The following KCNT2 variants were observed in gnomAD, a reference collection of about 807,000 sequenced individuals.
KCNT2 encodes potassium channel subfamily T member 2.
KCNT2 carries 67 observed loss-of-function variants against 153.8 expected under a neutral mutation model. The observed-to-expected ratio is 0.44, with a 90% CI of 0.36 to 0.53. The LOEUF (loss-of-function observed/expected upper bound fraction) is 0.53, where lower values mean the gene tolerates loss of function less well. Among genes scored for constraint, KCNT2 ranks in the 20% least tolerant of loss-of-function variants. The pLI, the probability that KCNT2 is intolerant of heterozygous loss-of-function variation, is 0.00. For synonymous variants in KCNT2, 500 were observed against 458.8 expected (o/e 1.09, Z -1.15); for missense variants, 975 against 1,354.8 (o/e 0.72, Z 4.40).
intron 26 of KCNT2, among the ~76,000 whole-genome samples, chr1:196,245,802 G>A (rs1655387986): frequency 2.6e-5 from 4 of 152,036 alleles, no homozygotes; most frequent in Admixed American, 2.6e-4. Context: ...GGTCAGAGGA[G>A]AAAAAGGAAA....
At chr1:196,487,011 C>G (rs921191787) in intron 3 of KCNT2, among the ~76,000 whole-genome samples, 1 of 151,860 alleles carries the variant, frequency 6.6e-6, no homozygotes, top group Non-Finnish European at 1.5e-5. Context: ...AAGGATGTTA[C>G]GGAGAAGACT....
intron 13 of KCNT2, among the ~76,000 whole-genome samples, chr1:196,386,461 A>T (rs971092583): frequency 6.6e-6 from 1 of 152,156 alleles, no homozygotes; most frequent in Non-Finnish European, 1.5e-5. Context: ...CTTGCACAGG[A>T]AGCACTACAT....
intron 1 of KCNT2, among the ~76,000 whole-genome samples, chr1:196,580,864 A>G (rs1661950764): frequency 6.6e-6 from 1 of 152,166 alleles, no homozygotes; most frequent in African/African-American, 2.4e-5. Context: ...TGAAAAGTAC[A>G]TCATGGAAAA....
chr1:196,280,305 A>T (rs1658974732), intron 25 of KCNT2, among the ~76,000 whole-genome samples: 1 of 152,190 alleles, frequency 6.6e-6, no homozygotes, highest in Non-Finnish European at 1.5e-5. Flanking sequence ...TACTAACAAG[A>T]TCAAGTTTGC....
At position 196,286,638 on chromosome 1, in the gene KCNT2, T is replaced by TACACAC. The variant is rs201006771; in HGVS notation, c.2596-886_2596-881dup. Among the ~76,000 whole-genome samples the TACACAC allele has an allele frequency of 6.4e-3, 862 of 134,386 alleles. 11 individuals are homozygous for TACACAC. The highest frequency in any genetic ancestry group is 0.021 in the African/African-American group (785 of 37,568). 88.2% of individuals were successfully genotyped at this position (134,386 alleles called of 152,430 possible). A position where few individuals can be genotyped will look rare whatever the true frequency, so the allele number is the denominator to read the frequency against. On this transcript the variant is annotated intron_variant, in intron 22 of 27. Coordinates refer to ENST00000294725, the MANE Select transcript of KCNT2 (RefSeq NM_198503.5). The stretch of plus-strand genomic sequence containing the variant: ...TATATCACACACACACACACACACA[T>TACACAC]ACACACACACACACACACACACACA...
intron 1 of KCNT2, among the ~76,000 whole-genome samples, chr1:196,508,255 A>C (rs1681321524): frequency 6.6e-6 from 1 of 150,728 alleles, no homozygotes; most frequent in South Asian, 2.1e-4. Context: ...TCTATCTCAC[A>C]GTATATAGAT....
rs376957860 is a variant in KCNT2, at chr1:196,351,309, C to T, written c.1404-9081G>A. On this transcript the variant is annotated intron_variant, in intron 14 of 27. Coordinates refer to ENST00000294725, the MANE Select transcript of KCNT2 (RefSeq NM_198503.5). ...TTACCTTGGGCAGTATGGCCATTTT[C>T]ACGATATTAATTCTTCCTACCCATG... 5.3e-5 allele frequency among the ~76,000 whole-genome samples: 8 copies of T among 152,118 alleles called. No homozygotes were observed. The East Asian group carries it at 9.6e-4, about 18-fold the overall frequency.
intron 25 of KCNT2, among the ~76,000 whole-genome samples, chr1:196,277,776 T>A (rs1335749229): frequency 6.6e-6 from 1 of 152,152 alleles, no homozygotes; most frequent in Non-Finnish European, 1.5e-5. Flanking sequence ...TTGAGAGACA[T>A]GGTGAACTGT....
intron 19 of KCNT2, 124 bp downstream of exon 19, chr1:196,326,593 A>G (rs1663883971): frequency 3.9e-6 from 2 of 513,290 alleles, no homozygotes. Context: ...CTCCCAATGA[A>G]TCATGTACCA....
chr1:196,323,417 C>T (rs979912400), intron 19 of KCNT2, among the ~76,000 whole-genome samples: 4 of 151,820 alleles, frequency 2.6e-5, no homozygotes, highest in African/African-American at 9.6e-5. Context: ...GACTAGATGA[C>T]CTTTAAGGTT....
intron 12 of KCNT2, among the ~76,000 whole-genome samples, chr1:196,407,225 C>A (rs1456451757): frequency 6.6e-6 from 1 of 151,356 alleles, no homozygotes; most frequent in African/African-American, 2.4e-5. Context: ...TAGTCACGAC[C>A]ACACTATCCA....
chr1:196,424,526 GA>G (rs1318284220), intron 11 of KCNT2, among the ~76,000 whole-genome samples: 1 of 151,820 alleles, frequency 6.6e-6, no homozygotes, highest in Non-Finnish European at 1.5e-5. Context: ...GAGGTGCTGG[GA>G]AAATCTGATG....
At chr1:196,315,335 G>T (rs138240547) in intron 21 of KCNT2, among the ~76,000 whole-genome samples, 1 of 151,572 alleles carries the variant, frequency 6.6e-6, no homozygotes, top group African/African-American at 2.4e-5. Context: ...CTCTAGTCAG[G>T]ATTGTTTACT....
At chr1:196,365,617 AT>A (rs1439403276) in intron 14 of KCNT2, among the ~76,000 whole-genome samples, 11 of 152,190 alleles carry the variant, frequency 7.2e-5, no homozygotes, top group Non-Finnish European at 1.5e-4. Context: ...TCCAAAAAAA[AT>A]CTAAATAAAA....
chr1:196,533,530 C>T (rs1290579689), intron 1 of KCNT2, among the ~76,000 whole-genome samples: 1 of 152,082 alleles, frequency 6.6e-6, no homozygotes, highest in Non-Finnish European at 1.5e-5. Flanking sequence ...CCTCAATCTT[C>T]TGGAGTCCTT....
chr1:196,259,271 C>G (rs1656794749), intron 25 of KCNT2, among the ~76,000 whole-genome samples: 2 of 152,112 alleles, frequency 1.3e-5, no homozygotes, highest in African/African-American at 4.8e-5. Flanking sequence ...TTATGACTTA[C>G]TCTTTTATGA....
chr1:196,242,088 T>G (rs1438184358), intron 26 of KCNT2, among the ~76,000 whole-genome samples: 2 of 152,044 alleles, frequency 1.3e-5, no homozygotes, highest in Non-Finnish European at 2.9e-5. Context: ...TCAAGGCTAC[T>G]GGGTGCCCTG....
chr1:196,288,928 G>A (rs1030992972), intron 22 of KCNT2, among the ~76,000 whole-genome samples: 10 of 152,094 alleles, frequency 6.6e-5, no homozygotes, highest in Middle Eastern at 3.4e-3. Flanking sequence ...AAGTGTTTCC[G>A]CTTACTAATT....
intron 1 of KCNT2, among the ~76,000 whole-genome samples, chr1:196,595,848 C>T (rs1663998569): frequency 6.6e-6 from 1 of 151,796 alleles, no homozygotes; most frequent in African/African-American, 2.4e-5. Flanking sequence ...TCCTCCCGAC[C>T]TTCCCCACAA....
Sources: allele counts gnomAD v4.1 joint callset (sites outside exome capture counted in the v4.1 genomes callset), GRCh38; gene constraint gnomAD v4.1.1; transcripts MANE v1.5; gene names NCBI Gene and HGNC (gene_info 2026-07-23, HGNC 2026-07-21).